The following GALNTL6 variants were observed in gnomAD, a reference collection of about 807,000 sequenced individuals.
GALNTL6 encodes polypeptide N-acetylgalactosaminyltransferase like 6, also known as polypeptide N-acetylgalactosaminyltransferase-like 6.
In GALNTL6, 46 loss-of-function variants were observed where a neutral mutation model predicts 73.7. That is an observed-to-expected ratio of 0.62 (90% CI 0.49 to 0.80). GALNTL6 has a LOEUF of 0.80. GALNTL6 is among the 30% of genes least tolerant of loss of function. GALNTL6 has a pLI of 0.00. For missense variants in GALNTL6, 604 were observed against 755.0 expected, an observed-to-expected ratio of 0.80 and a Z score of 2.34; for synonymous variants, 259 against 263.7, an observed-to-expected ratio of 0.98 and a Z score of 0.17.
At chr4:172,745,442 T>C (rs369034395) in intron 5 of GALNTL6, among the ~76,000 whole-genome samples, 10 of 91,360 alleles carry the variant, frequency 1.1e-4, no homozygotes, top group Non-Finnish European at 1.9e-4. Context: ...TATATATATA[T>C]ATGTACACAT....
intron 5 of GALNTL6, among the ~76,000 whole-genome samples, chr4:172,476,606 G>C (rs1733243068): frequency 6.6e-6 from 1 of 152,158 alleles, no homozygotes; most frequent in Admixed American, 6.5e-5. Flanking sequence ...GTCATCGTAT[G>C]ACCAGGTAGC....
intron 2 of GALNTL6, among the ~76,000 whole-genome samples, chr4:172,131,428 T>C (rs957476148): frequency 4.7e-4 from 65 of 138,966 alleles, no homozygotes; most frequent in African/African-American, 1.3e-3. Context: ...TATATATATA[T>C]ACACACACAC....
At chr4:172,396,316 CTT>C (rs10715891) in intron 5 of GALNTL6, among the ~76,000 whole-genome samples, 358 of 137,332 alleles carry the variant, frequency 2.6e-3, no homozygotes, top group Middle Eastern at 0.012. Context: ...CTTTTTTTTT[CTT>C]TTTTTTTTTT....
At chr4:172,455,104 G>A (rs889630640) in intron 5 of GALNTL6, among the ~76,000 whole-genome samples, 1 of 152,212 alleles carries the variant, frequency 6.6e-6, no homozygotes, top group Non-Finnish European at 1.5e-5. Flanking sequence ...CCCAGGAAGC[G>A]AAAGGATTTG....
Position 172,343,279 on chromosome 4 carries a change from CA to C in GALNTL6, c.387-5243del, listed in dbSNP as rs1306071359. Among the ~76,000 whole-genome samples the C allele has an allele frequency of 1.1e-4, 17 of 152,268 alleles. No individual in the cohort carries two copies. In the East Asian group the frequency reaches 1.9e-3, roughly 17 times the overall value. On this transcript the variant is annotated intron_variant, in intron 4 of 12. Coordinates refer to ENST00000506823, the MANE Select transcript of GALNTL6 (RefSeq NM_001034845.3). The stretch of plus-strand genomic sequence containing the variant: ...AGAACTTTTTAAATGTGAGTTGTAA[CA>C]CCCTTTCCAAAACAAAATACACAAC...
intron 5 of GALNTL6, among the ~76,000 whole-genome samples, chr4:172,413,790 A>C (rs774456305): frequency 1.1e-4 from 17 of 152,112 alleles, no homozygotes; most frequent in Non-Finnish European, 2.2e-4. Flanking sequence ...TTAAATTGCC[A>C]TAGGTTTGTT....
intron 5 of GALNTL6, among the ~76,000 whole-genome samples, chr4:172,742,718 C>T (rs1008350612): frequency 9.9e-5 from 15 of 152,146 alleles, no homozygotes; most frequent in Non-Finnish European, 2.1e-4. Context: ...CCAGATAAAG[C>T]GAACAACAAA....
chr4:172,546,919 G>A (rs987592982), intron 5 of GALNTL6, among the ~76,000 whole-genome samples: 2 of 149,412 alleles, frequency 1.3e-5, no homozygotes, highest in Non-Finnish European at 3.0e-5. Flanking sequence ...ACATTGTTGT[G>A]CAGTCATCAC....
At chr4:172,790,832 G>A (rs1417145076) in intron 5 of GALNTL6, among the ~76,000 whole-genome samples, 1 of 148,520 alleles carries the variant, frequency 6.7e-6, no homozygotes, top group Non-Finnish European at 1.5e-5. Flanking sequence ...CTGGGAGGCA[G>A]AGGTTGCAGT....
chr4:172,905,027 T>C (rs1003652973), intron 8 of GALNTL6, among the ~76,000 whole-genome samples: 1 of 152,216 alleles, frequency 6.6e-6, no homozygotes, highest in Admixed American at 6.5e-5. Flanking sequence ...TATCCCTAAG[T>C]TCAGGCCTCT....
chr4:172,102,393 T>C (rs1357348894), intron 2 of GALNTL6, among the ~76,000 whole-genome samples: 5 of 152,186 alleles, frequency 3.3e-5, no homozygotes, highest in African/African-American at 1.2e-4. Context: ...AAAAGAGGAC[T>C]GTCTAGCTGG....
intron 5 of GALNTL6, among the ~76,000 whole-genome samples, chr4:172,467,855 T>TTTCTTTCTTTCC (rs1165615409): frequency 7.2e-5 from 10 of 139,044 alleles, no homozygotes; most frequent in African/African-American, 2.6e-4. Flanking sequence ...TCTTTCTTTC[T>TTTCTTTCTTTCC]TTCTTTCTTT....
At chr4:172,564,814 C>T (rs931855233) in intron 5 of GALNTL6, among the ~76,000 whole-genome samples, 11 of 152,230 alleles carry the variant, frequency 7.2e-5, no homozygotes, top group African/African-American at 2.7e-4. Context: ...CCTCAGCTTT[C>T]TCCGAGTAGA....
At chr4:172,740,049 G>C (rs1337351831) in intron 5 of GALNTL6, among the ~76,000 whole-genome samples, 1 of 151,764 alleles carries the variant, frequency 6.6e-6, no homozygotes, top group African/African-American at 2.4e-5. Context: ...AACCCTCCTG[G>C]ATCCAGCTCC....
chr4:172,780,633 G>A (rs1216749922), intron 5 of GALNTL6, among the ~76,000 whole-genome samples: 1 of 152,146 alleles, frequency 6.6e-6, no homozygotes, highest in Non-Finnish European at 1.5e-5. Flanking sequence ...CTTTTAAAAT[G>A]TTCTCACTGT....
At chr4:172,307,699 T>C (rs1452777099) in intron 3 of GALNTL6, among the ~76,000 whole-genome samples, 5 of 152,218 alleles carry the variant, frequency 3.3e-5, no homozygotes, top group African/African-American at 1.2e-4. Context: ...CTCTCAATTC[T>C]GTTCCAGTGG....
intron 5 of GALNTL6, among the ~76,000 whole-genome samples, chr4:172,418,807 A>G (rs748300552): frequency 2.6e-5 from 4 of 152,212 alleles, no homozygotes; most frequent in Non-Finnish European, 2.9e-5. Flanking sequence ...AGATGTACAC[A>G]GTACAGTGAT....
At chr4:172,289,233 T>C (rs1473503400) in intron 3 of GALNTL6, among the ~76,000 whole-genome samples, 1 of 152,188 alleles carries the variant, frequency 6.6e-6, no homozygotes, top group African/African-American at 2.4e-5. Context: ...TAAGACATTT[T>C]CCCACTATGT....
At chr4:172,432,845 A>G (rs1262254938) in intron 5 of GALNTL6, among the ~76,000 whole-genome samples, 1 of 152,170 alleles carries the variant, frequency 6.6e-6, no homozygotes, top group African/African-American at 2.4e-5. Flanking sequence ...TCAACAGATT[A>G]TCTCTCAAAC....
Sources: gnomAD v4.1 joint callset for allele counts (sites outside exome capture counted in the v4.1 genomes callset) on GRCh38, gnomAD v4.1.1 for gene constraint, MANE v1.5 for transcripts, NCBI Gene and HGNC (gene_info 2026-07-23, HGNC 2026-07-21) for gene names.